DDC: variants seen among roughly 807,000 people sequenced by gnomAD.
DDC encodes the protein dopa decarboxylase.
A neutral mutation model predicts 60.0 loss-of-function variants in DDC; 43 were observed. That is an observed-to-expected ratio of 0.72 (90% CI 0.56 to 0.92). The LOEUF is 0.92. Among genes scored for constraint, DDC ranks in the 40% least tolerant of loss-of-function variants. The probability of loss-of-function intolerance (pLI) is 0.00; values close to 1 mark genes in which losing one functional copy is unlikely to be tolerated. For synonymous variants in DDC, 232 were observed against 234.6 expected (o/e 0.99, Z 0.10); for missense variants, 573 against 620.2 (o/e 0.92, Z 0.81).
chr7:50,503,477 A>G (rs1174229009), intron 7 of DDC, among the ~76,000 whole-genome samples: 1 of 152,252 alleles, frequency 6.6e-6, no homozygotes, highest in Non-Finnish European at 1.5e-5. Flanking sequence ...GTGACCAGGA[A>G]AACATCTGAA....
At chr7:50,467,136 G>C in intron 13 of DDC, 78 bp downstream of exon 13, 2 of 1,281,134 alleles carry the variant, frequency 1.6e-6, no homozygotes, top group Middle Eastern at 1.9e-4. Flanking sequence ...GCCAGTGTTT[G>C]AGCATGGAGG....
intron 2 of DDC, chr7:50,543,509 C>A (rs1015309426): frequency 2.9e-6 from 1 of 345,460 alleles, no homozygotes; most frequent in East Asian, 7.4e-5. Flanking sequence ...TGGAAGTGTG[C>A]TTTATTTGGG....
intron 14 of DDC, 34 bp downstream of exon 14, chr7:50,463,176 AAGG>A: frequency 6.5e-7 from 1 of 1,528,022 alleles, no homozygotes; most frequent in Non-Finnish European, 8.9e-7. Context: ...GCCACGGGAC[AAGG>A]AGACAGGCAG....
rs1456444312 is a variant in DDC at position 50,458,684 on chromosome 7, C to G, written c.*178G>C. 1 of 152,268 alleles carries G rather than the reference C, an allele frequency of 6.6e-6. No individual in the cohort carries two copies. Among genetic ancestry groups the G allele is most frequent in the East Asian group, 1.9e-4 (1 of 5,186 alleles). The allele number at this position is 152,268 out of a possible 1,614,324, so 9.4% of individuals were successfully genotyped here. On this transcript the variant is annotated 3_prime_UTR_variant, in exon 15 of 15. Coordinates refer to ENST00000444124, the MANE Select transcript of DDC (RefSeq NM_001082971.2). Reference sequence around the variant, plus strand: ...ACTTTTTAATTAGCAAATAATATTTCTTTGTTGATGAGATACTAAGCAGAC... The same window carrying G: ...ACTTTTTAATTAGCAAATAATATTTGTTTGTTGATGAGATACTAAGCAGAC...
chr7:50,511,601 C>T (rs561628278), intron 6 of DDC, among the ~76,000 whole-genome samples: 10 of 152,274 alleles, frequency 6.6e-5, no homozygotes, highest in African/African-American at 2.2e-4. Context: ...TGGTGGCACA[C>T]GCCTGTAGTC....
At chr7:50,516,302 A>G (rs1487581591) in intron 6 of DDC, among the ~76,000 whole-genome samples, 3 of 152,236 alleles carry the variant, frequency 2.0e-5, no homozygotes, top group African/African-American at 7.2e-5. Flanking sequence ...ATACATGGAA[A>G]TTAAATAAAC....
chr7:50,499,599 C>A (rs1377160469), intron 7 of DDC, among the ~76,000 whole-genome samples: 1 of 152,212 alleles, frequency 6.6e-6, no homozygotes, highest in Admixed American at 6.5e-5. Flanking sequence ...GAATTCCCTT[C>A]CTGGTTCCCT....
chr7:50,476,164 C>T (rs2042638794), intron 11 of DDC, among the ~76,000 whole-genome samples: 1 of 152,220 alleles, frequency 6.6e-6, no homozygotes, highest in Non-Finnish European at 1.5e-5. Flanking sequence ...TCAAAGTATG[C>T]CTCATTCAAC....
intron 1 of DDC, among the ~76,000 whole-genome samples, chr7:50,557,988 T>A (rs561612175): frequency 1.3e-5 from 2 of 152,354 alleles, no homozygotes; most frequent in African/African-American, 4.8e-5. Context: ...ATTTTGAAAG[T>A]TTATATGATA....
At chr7:50,529,421 T>G (rs191713393) in intron 4 of DDC, 79 bp from the exon 5 acceptor site, 1 of 1,543,738 alleles carries the variant, frequency 6.5e-7, no homozygotes, top group East Asian at 2.3e-5. Flanking sequence ...AGACATATTG[T>G]TTTGTGTCCA....
intron 6 of DDC, among the ~76,000 whole-genome samples, chr7:50,510,884 G>A (rs1456493438): frequency 6.7e-6 from 1 of 150,282 alleles, no homozygotes; most frequent in African/African-American, 2.5e-5. Flanking sequence ...AGGAGGCTGA[G>A]GCAGGAGGAT....
chr7:50,562,191 A>G (rs6593010), intron 1 of DDC, among the ~76,000 whole-genome samples: 59,653 of 152,122 alleles, frequency 0.39, 12,078 homozygotes, highest in East Asian at 0.58. Context: ...GCAGCAGAAC[A>G]TGCCATGAGT....
intron 9 of DDC, among the ~76,000 whole-genome samples, 185 bp downstream of exon 9, chr7:50,495,165 T>C (rs1485504581): frequency 6.6e-6 from 1 of 152,226 alleles, no homozygotes; most frequent in Non-Finnish European, 1.5e-5. Flanking sequence ...GTTGCAATGA[T>C]ATTCCCTAGA....
chr7:50,506,497 TA>T (rs1452784874), intron 6 of DDC, among the ~76,000 whole-genome samples: 1 of 151,848 alleles, frequency 6.6e-6, no homozygotes, highest in Admixed American at 6.6e-5. Flanking sequence ...GAACTTATAA[TA>T]AAAAAGAAAA....
intron 9 of DDC, among the ~76,000 whole-genome samples, chr7:50,484,594 A>G (rs1284177875): frequency 6.6e-6 from 1 of 152,210 alleles, no homozygotes; most frequent in Non-Finnish European, 1.5e-5. Context: ...TTTAATGGAT[A>G]TTATAAAGAG....
At chr7:50,460,732 G>T (rs1381066456) in intron 14 of DDC, among the ~76,000 whole-genome samples, 1 of 151,718 alleles carries the variant, frequency 6.6e-6, no homozygotes, top group African/African-American at 2.4e-5. Context: ...TCGTGATCCT[G>T]TTGATCAGTG....
intron 12 of DDC, among the ~76,000 whole-genome samples, chr7:50,468,239 C>G (rs1049400509): frequency 4.5e-4 from 69 of 152,322 alleles, no homozygotes; most frequent in African/African-American, 1.6e-3. Flanking sequence ...ATGGGCGATC[C>G]CGAAAGCCGG....
chr7:50,515,039 C>T (rs1464595993), intron 6 of DDC, among the ~76,000 whole-genome samples: 1 of 152,112 alleles, frequency 6.6e-6, no homozygotes, highest in Non-Finnish European at 1.5e-5. Context: ...GAGACCCAGC[C>T]ATCCAAATAC....
intron 9 of DDC, among the ~76,000 whole-genome samples, chr7:50,486,213 A>G (rs1231512765): frequency 1.3e-5 from 2 of 152,208 alleles, no homozygotes; most frequent in African/African-American, 4.8e-5. Flanking sequence ...AAGTGATCCC[A>G]GTGGGTTCTA....
Sources: gnomAD v4.1 joint callset for allele counts (sites outside exome capture counted in the v4.1 genomes callset) on GRCh38, gnomAD v4.1.1 for gene constraint, MANE v1.5 for transcripts, NCBI Gene and HGNC (gene_info 2026-07-23, HGNC 2026-07-21) for gene names.